The following DNAAF4 variants were observed in gnomAD, a reference collection of about 807,000 sequenced individuals.
DNAAF4 encodes dynein axonemal assembly factor 4, also known as dynein assembly factor 4, axonemal.
Under a neutral mutation model 51.8 loss-of-function variants are expected in DNAAF4, and 43 were observed. The ratio of observed to expected loss-of-function variants is 0.83; its 90% confidence interval spans 0.65 to 1.07. The LOEUF is 1.07. Among genes scored for constraint, DNAAF4 ranks in the 50% least tolerant of loss-of-function variants. DNAAF4 has a pLI of 0.00. For missense variants in DNAAF4, 581 were observed against 493.0 expected, an observed-to-expected ratio of 1.18 and a Z score of -1.69; for synonymous variants, 194 against 165.6, an observed-to-expected ratio of 1.17 and a Z score of -1.32.
At chr15:55,442,676 T>C in intron 6 of DNAAF4, 3 of 1,496,812 alleles carry the variant, frequency 2.0e-6, no homozygotes, top group Non-Finnish European at 2.8e-6. Flanking sequence ...AGTAAGCTTG[T>C]CGCCTCTGAA....
intron 3 of DNAAF4, among the ~76,000 whole-genome samples, chr15:55,492,105 C>G (rs560119455): frequency 6.6e-6 from 1 of 152,072 alleles, no homozygotes; most frequent in South Asian, 2.1e-4. Flanking sequence ...GATGCTCCTA[C>G]CTTGGCCTCC....
intron 9 of DNAAF4, among the ~76,000 whole-genome samples, chr15:55,431,589 C>T (rs1030866783): frequency 1.3e-5 from 2 of 151,664 alleles, no homozygotes; most frequent in African/African-American, 2.4e-5. Context: ...ATTCTCTGGC[C>T]TCAGTCTCCT....
chr15:55,492,353 G>C (rs760617628), intron 3 of DNAAF4, among the ~76,000 whole-genome samples: 4 of 151,718 alleles, frequency 2.6e-5, no homozygotes, highest in Non-Finnish European at 5.9e-5. Context: ...ATAAGGGGTG[G>C]GTAGAGGGAT....
At chr15:55,419,200 G>A (rs2141377908) in intron 7 of DNAAF4, among the ~76,000 whole-genome samples, 1 of 152,222 alleles carries the variant, frequency 6.6e-6, no homozygotes, top group South Asian at 2.1e-4. Flanking sequence ...ACAGGTGTGA[G>A]TCACTGTGCC....
chr15:55,445,694 C>T (rs537293014), intron 6 of DNAAF4, among the ~76,000 whole-genome samples: 7 of 140,034 alleles, frequency 5.0e-5, no homozygotes, highest in South Asian at 4.8e-4. Context: ...ACCTCCCAAA[C>T]GAAGGGCACC....
intron 7 of DNAAF4, among the ~76,000 whole-genome samples, chr15:55,422,647 T>C (rs1323499327): frequency 2.0e-5 from 3 of 152,108 alleles, no homozygotes; most frequent in African/African-American, 7.2e-5. Context: ...AGCATATGAA[T>C]TGAGAACTGA....
chr15:55,428,213 C>G (rs2057449720), downstream of DNAAF4, among the ~76,000 whole-genome samples: 1 of 152,068 alleles, frequency 6.6e-6, no homozygotes, highest in East Asian at 1.9e-4. Context: ...CTCAGTGTCC[C>G]AAAGTGCTGG....
intron 1 of DNAAF4, 34 bp downstream of exon 1, chr15:55,508,088 G>A (rs1218005622): frequency 6.6e-6 from 1 of 152,070 alleles, no homozygotes; most frequent in Non-Finnish European, 1.5e-5. Flanking sequence ...ACTAGATTAA[G>A]GGATGAGTTT....
chr15:55,459,973 A>G (rs1328515352), intron 5 of DNAAF4, among the ~76,000 whole-genome samples: 1 of 151,980 alleles, frequency 6.6e-6, no homozygotes, highest in East Asian at 1.9e-4. Context: ...AAGTGCTGGG[A>G]TTACAGGCGT....
At chr15:55,497,912 C>A in intron 2 of DNAAF4, 53 bp from the exon 3 acceptor site, 1 of 1,551,298 alleles carries the variant, frequency 6.4e-7, no homozygotes, top group Non-Finnish European at 8.7e-7. Context: ...ATTAAGCACG[C>A]GTATTAAGAA....
intron 4 of DNAAF4, among the ~76,000 whole-genome samples, chr15:55,475,320 AG>A (rs1402182078): frequency 2.6e-5 from 4 of 152,196 alleles, no homozygotes; most frequent in African/African-American, 4.8e-5. Flanking sequence ...CAACCATTTC[AG>A]GGGACTGGAA....
chr15:55,490,034 C>T (rs774812519), intron 4 of DNAAF4, among the ~76,000 whole-genome samples: 10 of 151,938 alleles, frequency 6.6e-5, no homozygotes, highest in African/African-American at 1.2e-4. Context: ...CCACCACGCG[C>T]GGCTGATTTT....
chr15:55,503,857 A>G (rs1595964592), intron 1 of DNAAF4, among the ~76,000 whole-genome samples: 1 of 152,144 alleles, frequency 6.6e-6, no homozygotes, highest in East Asian at 1.9e-4. Context: ...CCCTTTGAAA[A>G]CCGGCACAAG....
chr15:55,453,078 G>T (rs991126758), intron 5 of DNAAF4, among the ~76,000 whole-genome samples: 4 of 152,062 alleles, frequency 2.6e-5, no homozygotes, highest in African/African-American at 9.7e-5. Context: ...ACCCACCTTG[G>T]CCTCCCAAAG....
At chr15:55,430,013 A>G (rs764841591), downstream of DNAAF4, among the ~76,000 whole-genome samples, 2 of 152,036 alleles carry the variant, frequency 1.3e-5, no homozygotes, top group Non-Finnish European at 2.9e-5. Flanking sequence ...CCCCTTGTCT[A>G]CTTGGAGGTA....
Position 55,453,231 on chromosome 15 carries a change from T to A in DNAAF4, c.638-2864A>T, listed in dbSNP as rs118136947. ...TGTAAGAAATGGAAGCTCCAGGTAT[T>A]CCTCATCAACAAGTCTTTTGCAAAT... is the stretch of plus-strand genomic sequence containing the variant. On this transcript the variant is annotated intron_variant, in intron 5 of 9. Transcript: ENST00000321149. Among the ~76,000 whole-genome samples, 306 of 152,318 alleles carry A rather than the reference T, an allele frequency of 2.0e-3. 10 individuals carry two copies. The East Asian group carries it at 0.048, about 24-fold the overall frequency.
At chr15:55,507,513 G>A (rs1165487384) in intron 1 of DNAAF4, among the ~76,000 whole-genome samples, 1 of 152,148 alleles carries the variant, frequency 6.6e-6, no homozygotes, top group Admixed American at 6.5e-5. Flanking sequence ...TCTACTGAAT[G>A]CATATAGCTT....
At chr15:55,442,852 G>C in intron 6 of DNAAF4, 5 of 1,612,702 alleles carry the variant, frequency 3.1e-6, no homozygotes, top group Non-Finnish European at 4.2e-6. Context: ...AGCCATCATT[G>C]CACACATACC....
intron 6 of DNAAF4, chr15:55,443,282 G>A: frequency 1.3e-6 from 2 of 1,505,990 alleles, no homozygotes; most frequent in African/African-American, 1.4e-5. Context: ...TCACTACCCG[G>A]CAGGCGCCTG....
Sources: allele counts gnomAD v4.1 joint callset (sites outside exome capture counted in the v4.1 genomes callset), GRCh38; gene constraint gnomAD v4.1.1; transcripts MANE v1.5; gene names NCBI Gene and HGNC (gene_info 2026-07-23, HGNC 2026-07-21).